The following CENPW variants were observed in gnomAD, a reference collection of about 807,000 sequenced individuals.
CENPW encodes centromere protein W, also known as cancer-up-regulated gene 2 protein.
A neutral mutation model predicts 11.1 loss-of-function variants in CENPW; 3 were observed. The observed-to-expected ratio is 0.27, with a 90% CI of 0.12 to 0.70. CENPW has a LOEUF of 0.70. Among genes scored for constraint, CENPW ranks in the 30% least tolerant of loss-of-function variants. The probability of loss-of-function intolerance (pLI) is 0.77; values close to 1 mark genes in which losing one functional copy is unlikely to be tolerated. For missense variants in CENPW, 100 were observed against 105.6 expected (o/e 0.95, Z 0.23); for synonymous variants, 38 against 42.0 (o/e 0.91, Z 0.37).
At chr6:126,394,978 A>G in the CENPW span, among the ~76,000 whole-genome samples, 1 of 151,754 alleles carries the variant, frequency 6.6e-6, no homozygotes, top group Non-Finnish European at 1.5e-5. Flanking sequence ...TGCTGCTTTT[A>G]TCCTTTGGGA....
chr6:126,429,778 T>C, the CENPW span, among the ~76,000 whole-genome samples: 3 of 152,226 alleles, frequency 2.0e-5, no homozygotes, highest in Admixed American at 6.5e-5. Flanking sequence ...TTTTTCCTTA[T>C]AGGTGTATTA....
chr6:126,403,895 AGAG>A, the CENPW span, among the ~76,000 whole-genome samples: 1 of 152,106 alleles, frequency 6.6e-6, no homozygotes, highest in Non-Finnish European at 1.5e-5. Context: ...TCATAGCTAG[AGAG>A]GAGAAGATAA....
At chr6:126,460,068 T>C in the CENPW span, among the ~76,000 whole-genome samples, 5 of 151,496 alleles carry the variant, frequency 3.3e-5, no homozygotes, top group Non-Finnish European at 7.4e-5. Context: ...GGGGGGAAAA[T>C]ATACTCAAGT....
downstream of CENPW, among the ~76,000 whole-genome samples, chr6:126,350,074 G>C (rs572511258): frequency 1.3e-5 from 2 of 152,010 alleles, no homozygotes; most frequent in Admixed American, 6.5e-5. Context: ...GATTTTCCAG[G>C]GTGGCTGTAC....
the CENPW span, among the ~76,000 whole-genome samples, chr6:126,448,480 C>G: frequency 6.6e-6 from 1 of 151,046 alleles, no homozygotes; most frequent in Non-Finnish European, 1.5e-5. Flanking sequence ...GTTCTACAAT[C>G]AAGTGTGGGG....
At chr6:126,363,416 A>G in the CENPW span, among the ~76,000 whole-genome samples, 5 of 152,238 alleles carry the variant, frequency 3.3e-5, no homozygotes, top group African/African-American at 9.6e-5. Context: ...TATGTCCACA[A>G]TTAGTTGGAC....
chr6:126,376,875 C>T, the CENPW span, among the ~76,000 whole-genome samples: 8 of 151,972 alleles, frequency 5.3e-5, no homozygotes, highest in Non-Finnish European at 7.4e-5. Context: ...CCTGGTGTTC[C>T]GGCATGTCAG....
At chr6:126,405,149 C>T in the CENPW span, among the ~76,000 whole-genome samples, 65,574 of 151,864 alleles carry the variant, frequency 0.43, 16,491 homozygotes, top group East Asian at 0.97. Context: ...ACATTTAAGA[C>T]TGTATTCAAT....
At chr6:126,370,727 C>T in the CENPW span, among the ~76,000 whole-genome samples, 1 of 151,242 alleles carries the variant, frequency 6.6e-6, no homozygotes, top group Non-Finnish European at 1.5e-5. Flanking sequence ...TTCACTTGCT[C>T]TTAACTGATT....
chr6:126,353,431 CAT>C (rs2128290569), downstream of CENPW, among the ~76,000 whole-genome samples: 1 of 152,020 alleles, frequency 6.6e-6, no homozygotes, highest in South Asian at 2.1e-4. Context: ...AGGCTTCTCT[CAT>C]ATTTTTAGAA....
chr6:126,431,603 T>G, the CENPW span, among the ~76,000 whole-genome samples: 3 of 152,188 alleles, frequency 2.0e-5, no homozygotes, highest in African/African-American at 7.2e-5. Flanking sequence ...ATTATGAAAT[T>G]CTAACACACT....
At chr6:126,439,751 T>C in the CENPW span, among the ~76,000 whole-genome samples, 1 of 151,588 alleles carries the variant, frequency 6.6e-6, no homozygotes, top group Non-Finnish European at 1.5e-5. Context: ...AACCACTCTC[T>C]CTAGGCCTTC....
At chr6:126,473,842 T>TATATAGAATATATATGCACAGCATAGAC in the CENPW span, among the ~76,000 whole-genome samples, 51 of 148,708 alleles carry the variant, frequency 3.4e-4, 1 homozygote, top group South Asian at 2.8e-3. Context: ...ACAGCATAGA[T>TATATAGAATATATATGCACAGCATAGAC]ATATAGAATA....
the CENPW span, among the ~76,000 whole-genome samples, chr6:126,428,430 T>C: frequency 6.6e-6 from 1 of 152,206 alleles, no homozygotes; most frequent in East Asian, 1.9e-4. Flanking sequence ...ATGGTATAGG[T>C]GTAAATATAC....
intron 1 of CENPW, among the ~76,000 whole-genome samples, chr6:126,341,063 A>G (rs1187861184): frequency 1.3e-5 from 2 of 152,230 alleles, no homozygotes; most frequent in East Asian, 1.9e-4. Flanking sequence ...CTAGACTACT[A>G]AAGCCTGCTT....
At chr6:126,447,535 G>A in the CENPW span, among the ~76,000 whole-genome samples, 5 of 151,310 alleles carry the variant, frequency 3.3e-5, no homozygotes, top group African/African-American at 1.2e-4. Context: ...AGAGAGATTT[G>A]TAGATATTAG....
chr6:126,455,881 A>G, the CENPW span, among the ~76,000 whole-genome samples: 1 of 151,376 alleles, frequency 6.6e-6, no homozygotes, highest in Non-Finnish European at 1.5e-5. Context: ...AAGGTTTTGG[A>G]TACAAAATTA....
At chr6:126,366,665 G>C in the CENPW span, among the ~76,000 whole-genome samples, 1 of 152,176 alleles carries the variant, frequency 6.6e-6, no homozygotes, top group Admixed American at 6.5e-5. Flanking sequence ...CAGCAATCAA[G>C]TAGAGTGAAA....
chr6:126,353,238 T>A (rs1021752838), downstream of CENPW, among the ~76,000 whole-genome samples: 1 of 151,588 alleles, frequency 6.6e-6, no homozygotes, highest in African/African-American at 2.4e-5. Context: ...TTTTTTTTTT[T>A]AACAACCCGA....
Sources: allele counts gnomAD v4.1 joint callset (sites outside exome capture counted in the v4.1 genomes callset), GRCh38; gene constraint gnomAD v4.1.1; transcripts MANE v1.5; gene names NCBI Gene and HGNC (gene_info 2026-07-23, HGNC 2026-07-21).